Variants in CERS4 observed in about 807,000 individuals in gnomAD.
CERS4 encodes ceramide synthase 4, also known as LAG1 homolog, ceramide synthase 4.
In CERS4, 65 loss-of-function variants were observed where a neutral mutation model predicts 51.8. The ratio of observed to expected loss-of-function variants is 1.26; its 90% CI spans 1.03 to 1.54. CERS4 has a LOEUF of 1.54. Ranked by LOEUF, CERS4 falls within the 40% of genes most tolerant of loss-of-function variation. The pLI is 0.00. For synonymous variants in CERS4, 228 were observed against 208.4 expected (o/e 1.09, Z -0.81); for missense variants, 563 against 500.4 (o/e 1.13, Z -1.19).
intron 2 of CERS4, among the ~76,000 whole-genome samples, chr19:8,241,081 C>T (rs1968519889): frequency 6.6e-6 from 1 of 152,102 alleles, no homozygotes; most frequent in East Asian, 1.9e-4. Context: ...GCAGATGACC[C>T]TGAAGCTGCT....
At chr19:8,244,671 T>C (rs73008767) in intron 2 of CERS4, among the ~76,000 whole-genome samples, 11,333 of 152,064 alleles carry the variant, frequency 0.075, 576 homozygotes, top group Non-Finnish European at 0.11. Flanking sequence ...AACCAACACC[T>C]GAGAATCCCT....
chr19:8,223,983 T>TC (rs1967669612), intron 2 of CERS4, among the ~76,000 whole-genome samples: 1 of 150,076 alleles, frequency 6.7e-6, no homozygotes, highest in Admixed American at 6.7e-5. Context: ...GTGTCTGTAG[T>TC]CCCAGATACT....
At chr19:8,228,051 G>A (rs969676475) in intron 2 of CERS4, among the ~76,000 whole-genome samples, 2 of 151,978 alleles carry the variant, frequency 1.3e-5, no homozygotes, top group Non-Finnish European at 2.9e-5. Flanking sequence ...TAGTAGAGAC[G>A]GGGTTTCACC....
chr19:8,254,322 C>CAAAAAAAAAAACAA (rs1969252077), intron 3 of CERS4, among the ~76,000 whole-genome samples, 177 bp from the exon 4 acceptor site: 1 of 38,772 alleles, frequency 2.6e-5, no homozygotes. Context: ...TACTCTGTCT[C>CAAAAAAAAAAACAA]AAAAAAAAAA....
chr19:8,223,812 C>T (rs1168012515), intron 2 of CERS4, among the ~76,000 whole-genome samples: 5 of 150,950 alleles, frequency 3.3e-5, no homozygotes, highest in African/African-American at 7.3e-5. Context: ...AAAACAGTTG[C>T]CCGTGGCTGG....
chr19:8,262,214 G>A lies in CERS4; in HGVS notation c.*105G>A. 2.4e-6 allele frequency: 3 copies of A among 1,265,504 alleles called. No individual in the cohort carries two copies. Among genetic ancestry groups the A allele is most frequent in the East Asian group, 2.8e-5 (1 of 35,928 alleles). The allele number at this position is 1,265,504 out of a possible 1,614,324, so 78.4% of individuals were successfully genotyped here. Reference sequence around the variant, plus strand: ...GGCCACCTTTCTGGAGACAGGGAGGGCCCCACCCGGGGTGGGTGGGAAGGC... The same window carrying A: ...GGCCACCTTTCTGGAGACAGGGAGGACCCCACCCGGGGTGGGTGGGAAGGC... On this transcript the variant is annotated 3_prime_UTR_variant, in exon 12 of 12. Coordinates refer to ENST00000251363, the MANE Select transcript of CERS4 (RefSeq NM_024552.3).
At chr19:8,236,760 G>A (rs1376514672) in intron 2 of CERS4, among the ~76,000 whole-genome samples, 2 of 151,308 alleles carry the variant, frequency 1.3e-5, no homozygotes, top group Admixed American at 6.6e-5. Context: ...CCAGCACTTT[G>A]GGAGGCTAAG....
chr19:8,257,835 A>C, intron 9 of CERS4, 44 bp from the exon 10 acceptor site: 3 of 1,490,420 alleles, frequency 2.0e-6, no homozygotes, highest in Non-Finnish European at 2.8e-6. Flanking sequence ...CTTTGAGACC[A>C]GGGCCCTGGT....
At chr19:8,226,595 G>C (rs1656978801) in intron 2 of CERS4, among the ~76,000 whole-genome samples, 1 of 152,160 alleles carries the variant, frequency 6.6e-6, no homozygotes, top group African/African-American at 2.4e-5. Flanking sequence ...ATCACCAAAG[G>C]GGCTGATCTT....
At chr19:8,258,069 C>G (rs1367732710) in intron 10 of CERS4, 84 bp downstream of exon 10, 3 of 1,083,526 alleles carry the variant, frequency 2.8e-6, no homozygotes, top group Non-Finnish European at 4.2e-6. Flanking sequence ...GTACCCTGCC[C>G]CAAGGAGCTG....
chr19:8,236,977 T>A (rs1360835353), intron 2 of CERS4, among the ~76,000 whole-genome samples: 1 of 109,124 alleles, frequency 9.2e-6, no homozygotes, highest in Non-Finnish European at 1.7e-5. Context: ...CACTCCAGCC[T>A]GGGCAACAGA....
chr19:8,213,641 G>T (rs1339945215), intron 2 of CERS4, among the ~76,000 whole-genome samples: 1 of 151,876 alleles, frequency 6.6e-6, no homozygotes, highest in African/African-American at 2.4e-5. Context: ...CCTTGAATAG[G>T]CCCCTCAGAC....
intron 2 of CERS4, among the ~76,000 whole-genome samples, chr19:8,250,314 C>T (rs1969010900): frequency 6.6e-6 from 1 of 152,178 alleles, no homozygotes; most frequent in Admixed American, 6.6e-5. Flanking sequence ...ACTCCCTTGA[C>T]TTCTGGCTAC....
intron 2 of CERS4, among the ~76,000 whole-genome samples, chr19:8,213,982 A>G (rs1190992075): frequency 1.3e-5 from 2 of 152,032 alleles, no homozygotes; most frequent in African/African-American, 2.4e-5. Context: ...TCAAAAACAA[A>G]CAAACAAAAA....
At chr19:8,223,853 CT>C (rs1967662326) in intron 2 of CERS4, among the ~76,000 whole-genome samples, 1 of 152,036 alleles carries the variant, frequency 6.6e-6, no homozygotes, top group Admixed American at 6.6e-5. Flanking sequence ...AATCCCAGCA[CT>C]TTGGGAGACC....
At chr19:8,222,186 A>T (rs550837168) in intron 2 of CERS4, 2,129 of 136,774 alleles carry the variant, frequency 0.016, 26 homozygotes, top group Non-Finnish European at 0.026. Flanking sequence ...GGCCCTATTT[A>T]TTTTTTTTTG....
At chr19:8,220,998 AT>A (rs937868597) in intron 2 of CERS4, among the ~76,000 whole-genome samples, 1 of 148,458 alleles carries the variant, frequency 6.7e-6, no homozygotes, top group Non-Finnish European at 1.5e-5. Flanking sequence ...ATTTTTTTGT[AT>A]TTTTTTTAGT....
At chr19:8,258,245 G>A (rs1969500975) in intron 10 of CERS4, among the ~76,000 whole-genome samples, 1 of 152,184 alleles carries the variant, frequency 6.6e-6, no homozygotes, top group East Asian at 1.9e-4. Context: ...ACCAAAGTCT[G>A]CCCAGTAAAT....
intron 2 of CERS4, among the ~76,000 whole-genome samples, chr19:8,215,707 G>A (rs960763729): frequency 1.3e-5 from 2 of 152,052 alleles, no homozygotes; most frequent in Non-Finnish European, 2.9e-5. Context: ...GTTGAGCCAC[G>A]GCACTGTGAC....
Sources: allele counts gnomAD v4.1 joint callset (sites outside exome capture counted in the v4.1 genomes callset), GRCh38; gene constraint gnomAD v4.1.1; transcripts MANE v1.5; gene names NCBI Gene and HGNC (gene_info 2026-07-23, HGNC 2026-07-21).